The following METTL15 variants were observed in gnomAD, a reference collection of about 807,000 sequenced individuals.
The protein encoded by METTL15 is methyltransferase 15, mitochondrial 12S rRNA N4-cytidine.
Under a neutral mutation model 38.3 loss-of-function variants are expected in METTL15, and 34 were observed. The observed-to-expected ratio is 0.89, with a 90% CI of 0.68 to 1.18. METTL15 has a LOEUF of 1.18. Among genes scored for constraint, METTL15 ranks in the 50% most tolerant of loss-of-function variants. METTL15 has a pLI of 0.00. For missense variants in METTL15, 438 were observed against 498.4 expected (o/e 0.88, Z 1.15); for synonymous variants, 162 against 170.9 (o/e 0.95, Z 0.41).
In METTL15 at chr11:28,193,547, C is replaced by T. The variant is rs568072561; in HGVS notation, c.271-17515C>T. Among the ~76,000 whole-genome samples the T allele has an allele frequency of 2.3e-3, 356 of 152,174 alleles. 3 individuals carry two copies. The highest frequency in any genetic ancestry group is 7.7e-3 in the African/African-American group (320 of 41,542). ...CTCCCTCCAGGCCCCACTTCCAACACTAGGGATTACAATTCAACATGAGAT... is the reference window on the plus strand; with the variant it reads ...CTCCCTCCAGGCCCCACTTCCAACATTAGGGATTACAATTCAACATGAGAT... On this transcript the variant is annotated intron_variant, in intron 3 of 6. Transcript: ENST00000407364.
chr11:28,115,966 A>AC (rs397725828), intron 3 of METTL15, among the ~76,000 whole-genome samples: 7 of 149,836 alleles, frequency 4.7e-5, no homozygotes, highest in African/African-American at 1.5e-4. Context: ...ACACACACAC[A>AC]ACCCTACCGA....
At chr11:28,377,537 G>T (rs529018775) in intron 5 of METTL15, among the ~76,000 whole-genome samples, 1 of 151,658 alleles carries the variant, frequency 6.6e-6, no homozygotes, top group East Asian at 2.0e-4. Context: ...TCTCTGTATT[G>T]GTTATTCTAG....
At chr11:28,442,004 A>G (rs1370950053) in intron 6 of METTL15, among the ~76,000 whole-genome samples, 1 of 152,190 alleles carries the variant, frequency 6.6e-6, no homozygotes, top group Non-Finnish European at 1.5e-5. Context: ...TAGGAAGAAG[A>G]GATTTAAATT....
chr11:28,508,344 T>C lies in METTL15; in HGVS notation c.*425-18134T>C, dbSNP rs1394892539. On this transcript the variant is annotated intron_variant and NMD_transcript_variant, in intron 6 of 7. Transcript: ENST00000532947. Reference sequence around the variant, plus strand: ...CTAACATCTAGAGCGGAATCTGTTATATAATAGCTGCCTAACAAATACTTT... The same window carrying C: ...CTAACATCTAGAGCGGAATCTGTTACATAATAGCTGCCTAACAAATACTTT... Among the ~76,000 whole-genome samples the C allele has an allele frequency of 2.0e-5, 3 of 152,218 alleles. No homozygotes were observed. The East Asian group carries it at 5.8e-4, about 29-fold the overall frequency.
At chr11:28,112,425 G>A (rs1208851866) in intron 2 of METTL15, among the ~76,000 whole-genome samples, 1 of 152,148 alleles carries the variant, frequency 6.6e-6, no homozygotes, top group African/African-American at 2.4e-5. Flanking sequence ...GTAGTATCAA[G>A]CGGTGTTTAC....
intron 4 of METTL15, among the ~76,000 whole-genome samples, chr11:28,261,682 C>T (rs952266841): frequency 2.0e-5 from 3 of 152,044 alleles, no homozygotes; most frequent in Admixed American, 6.6e-5. Flanking sequence ...AGGAGCACAT[C>T]GACTACAGTT....
chr11:28,378,938 G>C (rs966783947), intron 5 of METTL15, among the ~76,000 whole-genome samples: 3 of 151,738 alleles, frequency 2.0e-5, no homozygotes, highest in Non-Finnish European at 1.5e-5. Flanking sequence ...TTTGTTCATA[G>C]GTCAGTCCTG....
At chr11:28,210,953 AT>A in intron 3 of METTL15, 108 bp from the exon 4 acceptor site, 1 of 1,155,724 alleles carries the variant, frequency 8.7e-7, no homozygotes, top group Non-Finnish European at 1.2e-6. Context: ...TTATTTTCCT[AT>A]TTACTGTCAA....
chr11:28,326,084 C>G (rs1018424510), intron 6 of METTL15, among the ~76,000 whole-genome samples: 22 of 152,140 alleles, frequency 1.4e-4, no homozygotes, highest in African/African-American at 4.1e-4. Flanking sequence ...ATATTAGACT[C>G]TGTGGTGAAA....
At chr11:28,391,570 C>A (rs995622533) in intron 5 of METTL15, among the ~76,000 whole-genome samples, 7 of 152,116 alleles carry the variant, frequency 4.6e-5, no homozygotes, top group African/African-American at 1.7e-4. Flanking sequence ...AATTGTACTA[C>A]AAGGCTACAG....
intron 3 of METTL15, among the ~76,000 whole-genome samples, chr11:28,136,934 C>T (rs1554982844): frequency 1.3e-5 from 2 of 151,236 alleles, no homozygotes; most frequent in Non-Finnish European, 2.9e-5. Context: ...CTTTCATTAT[C>T]TTTTACTGTT....
At chr11:28,432,524 T>A (rs1850941288) in intron 6 of METTL15, among the ~76,000 whole-genome samples, 1 of 152,222 alleles carries the variant, frequency 6.6e-6, no homozygotes, top group Non-Finnish European at 1.5e-5. Flanking sequence ...TTTCAGTCAG[T>A]GGTCTGGCAG....
At chr11:28,212,393 T>C (rs1404048432) in intron 4 of METTL15, among the ~76,000 whole-genome samples, 8 of 152,168 alleles carry the variant, frequency 5.3e-5, no homozygotes, top group African/African-American at 7.2e-5. Context: ...ATGCGCCTTC[T>C]TTAAGAAGAT....
chr11:28,123,009 C>T (rs1852317461), intron 3 of METTL15, among the ~76,000 whole-genome samples: 1 of 152,064 alleles, frequency 6.6e-6, no homozygotes, highest in Non-Finnish European at 1.5e-5. Flanking sequence ...GTTACACTCT[C>T]ATGTTTAAAA....
chr11:28,137,913 A>C (rs1001037407), intron 3 of METTL15, among the ~76,000 whole-genome samples: 2 of 152,132 alleles, frequency 1.3e-5, no homozygotes, highest in African/African-American at 4.8e-5. Flanking sequence ...CACAGACAGA[A>C]GAAGATCCAG....
At chr11:28,233,311 A>G (rs1853770706) in intron 4 of METTL15, among the ~76,000 whole-genome samples, 1 of 152,138 alleles carries the variant, frequency 6.6e-6, no homozygotes, top group African/African-American at 2.4e-5. Context: ...ATCCTTTGGA[A>G]GTAATCAGGA....
intron 6 of METTL15, among the ~76,000 whole-genome samples, chr11:28,448,700 A>G (rs770917293): frequency 6.6e-6 from 1 of 152,038 alleles, no homozygotes; most frequent in African/African-American, 2.4e-5. Flanking sequence ...CTTCCTCAGT[A>G]TGCTCATCCC....
chr11:28,418,015 G>C (rs565259807), intron 5 of METTL15, among the ~76,000 whole-genome samples: 1 of 152,230 alleles, frequency 6.6e-6, no homozygotes, highest in Non-Finnish European at 1.5e-5. Context: ...AGCCTATTGA[G>C]TGCAGGGCTC....
intron 6 of METTL15, among the ~76,000 whole-genome samples, chr11:28,330,013 A>G (rs1279621018): frequency 6.6e-6 from 1 of 152,016 alleles, no homozygotes; most frequent in Non-Finnish European, 1.5e-5. Context: ...TGGCTGTAGT[A>G]GTTTTATGAT....
Sources: gnomAD v4.1 joint callset for allele counts (sites outside exome capture counted in the v4.1 genomes callset) on GRCh38, gnomAD v4.1.1 for gene constraint, MANE v1.5 for transcripts, NCBI Gene and HGNC (gene_info 2026-07-23, HGNC 2026-07-21) for gene names.